Variants in CNTNAP5 observed in about 807,000 individuals in gnomAD.
The protein encoded by CNTNAP5 is contactin-associated protein-like 5.
CNTNAP5 carries 72 observed loss-of-function variants against 150.2 expected under a neutral mutation model. The ratio of observed to expected loss-of-function variants is 0.48; its 90% CI spans 0.40 to 0.58. The LOEUF (loss-of-function observed/expected upper bound fraction) is 0.58, where lower values mean the gene tolerates loss of function less well. CNTNAP5 is among the 20% of genes least tolerant of loss of function. The probability of loss-of-function intolerance (pLI) is 0.00; values close to 1 mark genes in which losing one functional copy is unlikely to be tolerated. For synonymous variants in CNTNAP5, 672 were observed against 619.8 expected (o/e 1.08, Z -1.25); for missense variants, 1,636 against 1,626.2 (o/e 1.01, Z -0.10).
chr2:124,060,844 A>G (rs1681991007), intron 1 of CNTNAP5, among the ~76,000 whole-genome samples: 1 of 152,228 alleles, frequency 6.6e-6, no homozygotes, highest in Admixed American at 6.5e-5. Flanking sequence ...CATTCAAATT[A>G]GGTGAACAAC....
intron 3 of CNTNAP5, among the ~76,000 whole-genome samples, chr2:124,292,301 G>A (rs530714505): frequency 6.6e-6 from 1 of 152,038 alleles, no homozygotes; most frequent in African/African-American, 2.4e-5. Context: ...AGCACCAAAA[G>A]CCTTCAGCTT....
intron 3 of CNTNAP5, among the ~76,000 whole-genome samples, chr2:124,384,758 C>T (rs572054119): frequency 4.6e-5 from 7 of 152,254 alleles, no homozygotes; most frequent in African/African-American, 7.2e-5. Flanking sequence ...CTTGTCCCTC[C>T]GCTTTGTTCT....
intron 1 of CNTNAP5, among the ~76,000 whole-genome samples, chr2:124,142,111 C>T (rs1223173653): frequency 7.0e-6 from 1 of 143,546 alleles, no homozygotes; most frequent in East Asian, 2.1e-4. Flanking sequence ...ATTTATGCAC[C>T]CAATACAGGA....
At chr2:124,645,701 C>T (rs1678189085) in intron 12 of CNTNAP5, among the ~76,000 whole-genome samples, 1 of 152,114 alleles carries the variant, frequency 6.6e-6, no homozygotes, top group Non-Finnish European at 1.5e-5. Flanking sequence ...GTGTATTAGG[C>T]CATTTTTGCA....
intron 8 of CNTNAP5, among the ~76,000 whole-genome samples, chr2:124,513,598 T>G (rs1362657298): frequency 1.3e-5 from 2 of 152,136 alleles, no homozygotes; most frequent in African/African-American, 2.4e-5. Context: ...ACTAGTGGAG[T>G]TGACCTCTAA....
At chr2:124,215,040 C>G (rs1255502960) in intron 1 of CNTNAP5, among the ~76,000 whole-genome samples, 1 of 152,012 alleles carries the variant, frequency 6.6e-6, no homozygotes, top group Non-Finnish European at 1.5e-5. Context: ...TTGTTATTTT[C>G]TAAGTGAAAT....
intron 19 of CNTNAP5, among the ~76,000 whole-genome samples, chr2:124,824,338 T>C (rs17886377): frequency 0.22 from 33,804 of 152,214 alleles, 4,885 homozygotes; most frequent in Non-Finnish European, 0.32. Flanking sequence ...AGAACCAGTT[T>C]GCTGCTTATT....
intron 11 of CNTNAP5, among the ~76,000 whole-genome samples, chr2:124,564,322 T>G (rs1353834825): frequency 6.6e-6 from 1 of 152,076 alleles, no homozygotes; most frequent in African/African-American, 2.4e-5. Context: ...AAATAAAGAA[T>G]ATGAGCCTTG....
At chr2:124,718,859 C>G (rs1264782782) in intron 13 of CNTNAP5, among the ~76,000 whole-genome samples, 1 of 151,812 alleles carries the variant, frequency 6.6e-6, no homozygotes, top group Non-Finnish European at 1.5e-5. Flanking sequence ...GCAGGGGAAT[C>G]TCTTGAACCT....
intron 13 of CNTNAP5, among the ~76,000 whole-genome samples, chr2:124,669,633 T>TATG (rs1293927759): frequency 2.0e-5 from 3 of 152,218 alleles, no homozygotes; most frequent in Non-Finnish European, 4.4e-5. Flanking sequence ...CTACTGGTCT[T>TATG]ATGATGTCCC....
intron 3 of CNTNAP5, among the ~76,000 whole-genome samples, chr2:124,384,433 A>G (rs1379912517): frequency 6.6e-6 from 1 of 152,186 alleles, no homozygotes; most frequent in Non-Finnish European, 1.5e-5. Context: ...GCTCCTATGT[A>G]GGATAGAGCA....
At chr2:124,738,785 T>C (rs1196081326) in intron 13 of CNTNAP5, among the ~76,000 whole-genome samples, 2 of 151,938 alleles carry the variant, frequency 1.3e-5, no homozygotes, top group Non-Finnish European at 2.9e-5. Context: ...CTGGGAGTCT[T>C]TGTGAAGGTG....
chr2:124,475,636 T>C (rs983420272), intron 7 of CNTNAP5, among the ~76,000 whole-genome samples: 3 of 152,120 alleles, frequency 2.0e-5, no homozygotes, highest in Admixed American at 6.6e-5. Context: ...TTTATCATTA[T>C]ATAATATTAT....
Position 124,440,834 on chromosome 2 carries a change from C to G in CNTNAP5, c.734-5919C>G, listed in dbSNP as rs186749052. On this transcript the variant is annotated intron_variant, in intron 5 of 23. Transcript: ENST00000682447. Reference sequence around the variant, plus strand: ...TATTGTTTTTGTCCTTCACAATTGCCCATGAAAATTTTTATCTTTGTCTTA... The same window carrying G: ...TATTGTTTTTGTCCTTCACAATTGCGCATGAAAATTTTTATCTTTGTCTTA... 1.5e-3 allele frequency among the ~76,000 whole-genome samples: 230 copies of G among 151,898 alleles called. 2 individuals carry two copies. The highest frequency in any genetic ancestry group is 3.4e-3 in the Middle Eastern group (1 of 294).
At chr2:124,806,561 A>G (rs1319012570) in intron 19 of CNTNAP5, among the ~76,000 whole-genome samples, 1 of 150,380 alleles carries the variant, frequency 6.6e-6, no homozygotes, top group Non-Finnish European at 1.5e-5. Context: ...GTACTTTCCC[A>G]GTTTAAACGA....
In CNTNAP5 at chr2:124,340,830, C is replaced by T. The variant is rs1023645640; in HGVS notation, c.382-76613C>T. On this transcript the variant is annotated intron_variant, in intron 3 of 23. Transcript: ENST00000682447. ...ACATGTATATATATATATATATATGCGTGTGCGTGTGTATATATGTACACA... is the reference window on the plus strand; with the variant it reads ...ACATGTATATATATATATATATATGTGTGTGCGTGTGTATATATGTACACA... 9.4e-5 allele frequency among the ~76,000 whole-genome samples: 12 copies of T among 127,080 alleles called. No individual in the cohort carries two copies. In the South Asian group the frequency reaches 1.7e-3, roughly 18 times the overall value. The allele number at this position is 127,080 out of a possible 152,430, so 83.4% of individuals were successfully genotyped here.
At chr2:124,590,835 A>G (rs1181318149) in intron 11 of CNTNAP5, among the ~76,000 whole-genome samples, 3 of 152,156 alleles carry the variant, frequency 2.0e-5, no homozygotes, top group Admixed American at 2.0e-4. Context: ...GAAACACCAC[A>G]TCTCTGACCT....
At chr2:124,848,389 T>C (rs1004867364) in intron 19 of CNTNAP5, among the ~76,000 whole-genome samples, 5 of 152,210 alleles carry the variant, frequency 3.3e-5, no homozygotes, top group African/African-American at 1.2e-4. Flanking sequence ...TGTACCACTT[T>C]TTCTTTACTC....
chr2:124,184,614 G>A (rs974365884), intron 1 of CNTNAP5, among the ~76,000 whole-genome samples: 8 of 152,174 alleles, frequency 5.3e-5, no homozygotes, highest in African/African-American at 1.2e-4. Flanking sequence ...CAGAAAGGCC[G>A]ATTCAAGGGA....
Sources: gnomAD v4.1 joint callset for allele counts (sites outside exome capture counted in the v4.1 genomes callset) on GRCh38, gnomAD v4.1.1 for gene constraint, MANE v1.5 for transcripts, NCBI Gene and HGNC (gene_info 2026-07-23, HGNC 2026-07-21) for gene names.